Variants in ROS1 observed in about 807,000 individuals in gnomAD.
ROS1 encodes the protein ROS proto-oncogene 1, receptor tyrosine kinase.
Under a neutral mutation model 273.5 loss-of-function variants are expected in ROS1, and 263 were observed. The ratio of observed to expected loss-of-function variants is 0.96; its 90% CI spans 0.87 to 1.06. The LOEUF (loss-of-function observed/expected upper bound fraction) is 1.06, where lower values mean the gene tolerates loss of function less well. ROS1 is among the 50% of genes least tolerant of loss of function. ROS1 has a pLI of 0.00. For missense variants in ROS1, 2,833 were observed against 2,751.1 expected, an observed-to-expected ratio of 1.03 and a Z score of -0.67; for synonymous variants, 1,008 against 954.1, an observed-to-expected ratio of 1.06 and a Z score of -1.04.
At chr6:117,402,628 CTATAAT>C (rs1460688167) in intron 7 of ROS1, among the ~76,000 whole-genome samples, 1 of 152,194 alleles carries the variant, frequency 6.6e-6, no homozygotes, top group Non-Finnish European at 1.5e-5. Flanking sequence ...TGGCTCACGC[CTATAAT>C]CCCAGCACTT....
chr6:117,405,273 G>T (rs1189251873), intron 5 of ROS1, among the ~76,000 whole-genome samples: 1 of 152,076 alleles, frequency 6.6e-6, no homozygotes, highest in African/African-American at 2.4e-5. Context: ...CACCAGACAC[G>T]GACCAAATAA....
At chr6:117,337,981 T>C (rs1290827918) in intron 31 of ROS1, among the ~76,000 whole-genome samples, 2 of 152,132 alleles carry the variant, frequency 1.3e-5, no homozygotes, top group Non-Finnish European at 2.9e-5. Flanking sequence ...CTTGTTTTCA[T>C]TCCACTTTAG....
At position 117,357,891 on chromosome 6, in the gene ROS1, A is replaced by G; in HGVS notation, c.3752T>C (p.Leu1251Pro). The G allele has an allele frequency of 6.2e-7, 1 of 1,613,732 alleles. No homozygotes were observed. Among genetic ancestry groups the G allele is most frequent in the African/African-American group, 1.3e-5 (1 of 75,058 alleles). The change falls in exon 25 of 44, where the codon CTT (leucine) becomes CCT (proline). Residue 1251 changes from leucine to proline, a missense_variant. Transcript: ENST00000368507. ...TCTGGGATATTTCACCTTGTGTTCA[A>G]GATCAACATCAAATACTTGCATTCC... Reference protein sequence around the residue: ...QNGMQVFDVDLEHKVKYPREV... With the variant: ...QNGMQVFDVDPEHKVKYPREV...
At chr6:117,337,029 T>C (rs1005190111) in intron 32 of ROS1, 143 bp downstream of exon 32, 5 of 701,376 alleles carry the variant, frequency 7.1e-6, no homozygotes. Context: ...CTATATTTTC[T>C]GAATTTCTTC....
At chr6:117,308,186 T>C (rs894121056) in intron 42 of ROS1, among the ~76,000 whole-genome samples, 2 of 152,200 alleles carry the variant, frequency 1.3e-5, no homozygotes, top group African/African-American at 2.4e-5. Context: ...TTTTTCCTTA[T>C]AATTTGACTA....
intron 39 of ROS1, among the ~76,000 whole-genome samples, chr6:117,316,300 G>A (rs907641868): frequency 7.7e-5 from 3 of 39,124 alleles, no homozygotes; most frequent in South Asian, 8.0e-4. Context: ...AGATACATGC[G>A]GGGCCTGAGA....
chr6:117,383,373 G>T lies in ROS1; in HGVS notation c.2425C>A (p.Leu809Ile), dbSNP rs1216622336. ...AGTACAAGGGAACTTTCCCCATTTA[G>T]TCTGGTGCTTTCCACTGAATAGAGT... ...TTLYSVESTR[L>I]NGESSLVLQT... is the part of the protein sequence containing the mutation. Residue 809 changes from leucine to isoleucine, a missense_variant, in exon 17 of 44, where the codon CTA becomes ATA. By Grantham distance (5) the Leu-to-Ile change is conservative. Transcript: ENST00000368507. The T allele has an allele frequency of 1.2e-6, 2 of 1,614,062 alleles. No individual in the cohort carries two copies. Among genetic ancestry groups the T allele is most frequent in the East Asian group, 2.2e-5 (1 of 44,874 alleles).
chr6:117,353,181 A>G lies in ROS1; in HGVS notation c.4127-15T>C, dbSNP rs752290846. 3 of 1,544,972 alleles carry G rather than the reference A, an allele frequency of 1.9e-6. No homozygotes were observed. Among genetic ancestry groups the G allele is most frequent in the South Asian group, 1.3e-5 (1 of 78,852 alleles). Reference sequence around the variant, plus strand: ...AAGGGTTTTTCCTGCTGTTAAAAACATAAGGAATATAAAGAACAAAATTAA... The same window carrying G: ...AAGGGTTTTTCCTGCTGTTAAAAACGTAAGGAATATAAAGAACAAAATTAA... On this transcript the variant is annotated splice_polypyrimidine_tract_variant and intron_variant, in intron 26 of 43. Coordinates refer to ENST00000368507, the MANE Select transcript of ROS1 (RefSeq NM_001378902.1).
At position 117,366,278 on chromosome 6, in the gene ROS1, G is replaced by A. The variant is rs558317498; in HGVS notation, c.2595C>T (p.Thr865=). The part of the protein sequence containing the change: ...AVLRGQSTGD[T]TITEFAAWST... The stretch of plus-strand genomic sequence containing the variant: ...TCCAGGCTGCAAATTCTGTGATGGT[G>A]GTATCCCCAGTGCTGCTAAAACATA... The change falls in exon 19 of 44, where the codon ACC becomes ACT. Residue 865 remains threonine, a synonymous_variant. Coordinates refer to ENST00000368507, the MANE Select transcript of ROS1 (RefSeq NM_001378902.1). 6.2e-7 allele frequency: 1 copy of A among 1,613,660 alleles called. No individual in the cohort carries two copies. Among genetic ancestry groups the A allele is most frequent in the South Asian group, 1.1e-5 (1 of 91,066 alleles).
At chr6:117,338,460 T>A (rs1777640602) in intron 31 of ROS1, among the ~76,000 whole-genome samples, 2 of 151,964 alleles carry the variant, frequency 1.3e-5, no homozygotes, top group East Asian at 3.9e-4. Flanking sequence ...GACATTTAGC[T>A]TAATAGCTTA....
chr6:117,371,312 A>T (rs552461569), intron 18 of ROS1, among the ~76,000 whole-genome samples: 28 of 152,202 alleles, frequency 1.8e-4, no homozygotes, highest in African/African-American at 6.5e-4. Flanking sequence ...TCTGTGGAAA[A>T]CCTGAAGGTC....
chr6:117,314,730 C>T (rs1775784039), intron 39 of ROS1, among the ~76,000 whole-genome samples: 1 of 152,096 alleles, frequency 6.6e-6, no homozygotes, highest in Non-Finnish European at 1.5e-5. Context: ...ATGCATCAGG[C>T]ATTTACTGTC....
intron 1 of ROS1, among the ~76,000 whole-genome samples, chr6:117,420,595 A>AAT (rs1775678633): frequency 6.7e-6 from 1 of 148,856 alleles, no homozygotes; most frequent in African/African-American, 2.5e-5. Flanking sequence ...ATAAAATTTT[A>AAT]AATAATAATA....
At chr6:117,419,289 T>C (rs1775575100) in intron 1 of ROS1, among the ~76,000 whole-genome samples, 1 of 152,182 alleles carries the variant, frequency 6.6e-6, no homozygotes, top group African/African-American at 2.4e-5. Flanking sequence ...GTAAATCCAT[T>C]AATTCAAAGT....
chr6:117,335,750 A>G (rs1777411532), intron 32 of ROS1, among the ~76,000 whole-genome samples: 1 of 152,202 alleles, frequency 6.6e-6, no homozygotes, highest in African/African-American at 2.4e-5. Flanking sequence ...AGAACAAAAC[A>G]GCACGTGTTC....
intron 1 of ROS1, among the ~76,000 whole-genome samples, chr6:117,421,496 T>C (rs561165262): frequency 6.6e-6 from 1 of 152,200 alleles, no homozygotes; most frequent in South Asian, 2.1e-4. Context: ...CACTTATAAG[T>C]GAGAACATAC....
rs1420960130 is a variant in ROS1 at position 117,287,794 on chromosome 6, C to T, written c.*698G>A. On this transcript the variant is annotated 3_prime_UTR_variant, in exon 44 of 44. Coordinates refer to ENST00000368507, the MANE Select transcript of ROS1 (RefSeq NM_001378902.1). ...AATTAGCCGGGCGTGGTGGCACACG[C>T]CTGTAATCCCAGCTACTTAGGAGGC... 6.6e-6 allele frequency among the ~76,000 whole-genome samples: 1 copy of T among 151,912 alleles called. No individual in the cohort carries two copies. The highest frequency in any genetic ancestry group is 1.9e-4 in the East Asian group (1 of 5,170).
rs577371273 is a variant in ROS1, at chr6:117,365,596, A to G, written c.2943T>C (p.Phe981=). The G allele has an allele frequency of 6.2e-7, 1 of 1,613,268 alleles. No individual in the cohort carries two copies. The highest frequency in any genetic ancestry group is 2.2e-5 in the East Asian group (1 of 44,874). ...DWGVVFYSVE[F]SAHSKFLASE... ...AACACCATACCTTAGAATGAGCACT[A>G]AATTCTACACTGTAGAAAACTACAC... Residue 981 remains phenylalanine (F), a synonymous_variant, in exon 20 of 44, where the codon TTT becomes TTC. Transcript: ENST00000368507.
intron 4 of ROS1, among the ~76,000 whole-genome samples, chr6:117,413,601 G>A (rs569479062): frequency 1.5e-4 from 23 of 152,282 alleles, no homozygotes; most frequent in African/African-American, 5.5e-4. Flanking sequence ...ACCTGGGCAG[G>A]GCAGTGTGAG....
Sources: gnomAD v4.1 joint callset for allele counts (sites outside exome capture counted in the v4.1 genomes callset) on GRCh38, gnomAD v4.1.1 for gene constraint, MANE v1.5 for transcripts, NCBI Gene and HGNC (gene_info 2026-07-23, HGNC 2026-07-21) for gene names.